Variants in RALGPS1 observed in about 807,000 individuals in gnomAD.
RALGPS1 encodes ras-specific guanine nucleotide-releasing factor RalGPS1.
Under a neutral mutation model 78.8 loss-of-function variants are expected in RALGPS1, and 19 were observed. That is an observed-to-expected ratio of 0.24 (90% CI 0.17 to 0.35). The LOEUF is 0.35. Ranked by LOEUF, RALGPS1 falls within the 10% of genes least tolerant of loss-of-function variation. The pLI, the probability that RALGPS1 is intolerant of heterozygous loss-of-function variation, is 1.00. For missense variants in RALGPS1, 454 were observed against 688.3 expected, an observed-to-expected ratio of 0.66 and a Z score of 3.81; for synonymous variants, 228 against 256.3, an observed-to-expected ratio of 0.89 and a Z score of 1.06.
chr9:127,135,200 A>T (rs1228445091), intron 8 of RALGPS1, among the ~76,000 whole-genome samples: 1 of 152,210 alleles, frequency 6.6e-6, no homozygotes, highest in Non-Finnish European at 1.5e-5. Flanking sequence ...TTGAACATAG[A>T]AACTGGTGGC....
intron 11 of RALGPS1, 104 bp downstream of exon 11, chr9:127,174,886 C>A (rs1269596041): frequency 1.0e-6 from 1 of 965,070 alleles, no homozygotes. Context: ...AAGTTTGCAG[C>A]TTAGCAGACT....
At chr9:127,155,986 C>T (rs2058690098) in intron 8 of RALGPS1, among the ~76,000 whole-genome samples, 1 of 151,426 alleles carries the variant, frequency 6.6e-6, no homozygotes, top group African/African-American at 2.4e-5. Context: ...GAAAATAATC[C>T]TGCAGTTTCA....
intron 7 of RALGPS1, among the ~76,000 whole-genome samples, chr9:127,068,756 G>A (rs1324150155): frequency 4.6e-5 from 7 of 152,170 alleles, no homozygotes; most frequent in Non-Finnish European, 1.0e-4. Flanking sequence ...TTGTGGTATG[G>A]GGCTTATCCC....
intron 1 of RALGPS1, among the ~76,000 whole-genome samples, chr9:126,958,158 T>TATATATATATATATAC (rs1345241110): frequency 5.8e-4 from 70 of 121,116 alleles, no homozygotes; most frequent in African/African-American, 1.5e-3. Flanking sequence ...TATATATATA[T>TATATATATATATATAC]ACACACACAC....
chr9:127,191,564 A>G (rs2061033607), intron 11 of RALGPS1, among the ~76,000 whole-genome samples: 1 of 152,128 alleles, frequency 6.6e-6, no homozygotes, highest in Admixed American at 6.5e-5. Flanking sequence ...CACTCTTTGA[A>G]TACTACTGCT....
intron 1 of RALGPS1, among the ~76,000 whole-genome samples, chr9:126,960,214 TCCC>T (rs1564310406): frequency 3.6e-5 from 2 of 56,232 alleles, no homozygotes; most frequent in Non-Finnish European, 7.7e-5. Context: ...CCTCCCTCCC[TCCC>T]TCCCTTCCTT....
At chr9:127,038,361 T>A (rs1224051223) in intron 5 of RALGPS1, among the ~76,000 whole-genome samples, 1 of 152,226 alleles carries the variant, frequency 6.6e-6, no homozygotes, top group Non-Finnish European at 1.5e-5. Flanking sequence ...AACAACTTGC[T>A]CAAATTTACA....
At chr9:127,080,196 G>A (rs1351037851) in intron 8 of RALGPS1, among the ~76,000 whole-genome samples, 3 of 152,198 alleles carry the variant, frequency 2.0e-5, no homozygotes, top group Non-Finnish European at 2.9e-5. Flanking sequence ...TAGGAAGCCT[G>A]TTGTTCCCTG....
chr9:127,039,500 G>T (rs1434842444), intron 5 of RALGPS1, among the ~76,000 whole-genome samples: 1 of 152,102 alleles, frequency 6.6e-6, no homozygotes, highest in African/African-American at 2.4e-5. Flanking sequence ...GAGAGTGGAG[G>T]AGTCAAAAAA....
At chr9:126,982,496 C>T (rs1039677041) in intron 4 of RALGPS1, among the ~76,000 whole-genome samples, 6 of 152,164 alleles carry the variant, frequency 3.9e-5, no homozygotes, top group African/African-American at 1.4e-4. Flanking sequence ...GAGGCTGGAA[C>T]CTATTAAAAC....
intron 8 of RALGPS1, among the ~76,000 whole-genome samples, chr9:127,157,484 G>C (rs972274118): frequency 5.3e-5 from 8 of 151,962 alleles, no homozygotes; most frequent in African/African-American, 1.7e-4. Context: ...GTAGGCCCAG[G>C]ATATGTGTAT....
At chr9:126,996,773 A>G (rs1433819182) in intron 4 of RALGPS1, among the ~76,000 whole-genome samples, 1 of 152,244 alleles carries the variant, frequency 6.6e-6, no homozygotes, top group African/African-American at 2.4e-5. Flanking sequence ...CATTGATGCA[A>G]AAATCCTCAA....
In RALGPS1 at chr9:127,091,013, T is replaced by C. The variant is rs2052404321; in HGVS notation, c.610+21657T>C. On this transcript the variant is annotated intron_variant, in intron 8 of 18. Coordinates refer to ENST00000259351, the MANE Select transcript of RALGPS1 (RefSeq NM_014636.3). The surrounding 1 kb of genome is among the most constrained non-coding windows in gnomAD (Gnocchi z 4.3). ...GTGATCTTAGACAAATCACTTTCTC[T>C]CTCCTATCTGCTTTCCTCTTAATAG... Among the ~76,000 whole-genome samples, 1 of 152,208 alleles carries C rather than the reference T, an allele frequency of 6.6e-6. No individual in the cohort carries two copies. The highest frequency in any genetic ancestry group is 2.1e-4 in the South Asian group (1 of 4,830).
intron 3 of RALGPS1, among the ~76,000 whole-genome samples, chr9:126,970,946 A>C (rs1282105479): frequency 6.6e-6 from 1 of 152,224 alleles, no homozygotes. Flanking sequence ...TCACACATGA[A>C]GAACATAAAT....
intron 1 of RALGPS1, among the ~76,000 whole-genome samples, chr9:126,929,748 G>A (rs1316339085): frequency 1.3e-5 from 2 of 152,176 alleles, no homozygotes; most frequent in Non-Finnish European, 2.9e-5. Context: ...ACAGGTGTGA[G>A]CCACTGTGCC....
chr9:127,123,176 C>T (rs2056324047), intron 8 of RALGPS1, among the ~76,000 whole-genome samples: 1 of 152,230 alleles, frequency 6.6e-6, no homozygotes, highest in Non-Finnish European at 1.5e-5. Context: ...TCATTCTCAT[C>T]TCTAAACCCT....
At chr9:127,071,315 C>T (rs912357620) in intron 8 of RALGPS1, among the ~76,000 whole-genome samples, 1 of 152,022 alleles carries the variant, frequency 6.6e-6, no homozygotes, top group Non-Finnish European at 1.5e-5. Context: ...TGTATTTTAT[C>T]AATCAAGGAT....
At chr9:126,951,109 C>A (rs980700868) in intron 1 of RALGPS1, among the ~76,000 whole-genome samples, 7 of 151,912 alleles carry the variant, frequency 4.6e-5, no homozygotes, top group Non-Finnish European at 1.0e-4. Flanking sequence ...TCTCCCAAGT[C>A]TAAACCAGGA....
At chr9:126,960,819 C>G (rs1452748593) in intron 1 of RALGPS1, among the ~76,000 whole-genome samples, 2 of 152,118 alleles carry the variant, frequency 1.3e-5, no homozygotes, top group Non-Finnish European at 2.9e-5. Flanking sequence ...ACCTCTGTTC[C>G]TTCCTTGAAG....
Sources: gnomAD v4.1 joint callset for allele counts (sites outside exome capture counted in the v4.1 genomes callset) on GRCh38, gnomAD v4.1.1 for gene constraint, Gnocchi (gnomAD v3.1) non-coding constraint, MANE v1.5 for transcripts, NCBI Gene and HGNC (gene_info 2026-07-23, HGNC 2026-07-21) for gene names.